Variants in TTC12 observed in about 807,000 individuals in gnomAD.
The protein encoded by TTC12 is tetratricopeptide repeat protein 12.
In TTC12, 70 loss-of-function variants were observed where a neutral mutation model predicts 90.1. The ratio of observed to expected loss-of-function variants is 0.78; its 90% CI spans 0.64 to 0.95. The LOEUF is 0.95. TTC12 is among the 40% of genes least tolerant of loss of function. The pLI, the probability that TTC12 is intolerant of heterozygous loss-of-function variation, is 0.00. For synonymous variants in TTC12, 296 were observed against 311.5 expected (o/e 0.95, Z 0.53); for missense variants, 819 against 846.1 (o/e 0.97, Z 0.40).
At chr11:113,346,751 GA>G (rs58619294) in intron 13 of TTC12, among the ~76,000 whole-genome samples, 2,074 of 57,512 alleles carry the variant, frequency 0.036, 20 homozygotes, top group South Asian at 0.073. Flanking sequence ...ATCTGCTACA[GA>G]AAAAAAAAAA....
At position 113,325,643 on chromosome 11, in the gene TTC12, C is replaced by G; in HGVS notation, c.442C>G (p.Gln148Glu). The change falls in exon 6 of 22, where the codon CAG becomes GAG. Residue 148 changes from glutamine to glutamate, a missense_variant and splice_region_variant. Gln to Glu is a conservative substitution (Grantham distance 29). Transcript: ENST00000529221. Reference protein sequence around the residue: ...DMKVLYTNRAQAYMKLEDYEK... With the variant: ...DMKVLYTNRAEAYMKLEDYEK... ...GAAAGTGCTGTACACCAACCGAGCC[C>G]AGGTCAGTGAGGCAGGGATGTATCC... 1 of 1,613,828 alleles carries G rather than the reference C, an allele frequency of 6.2e-7. No homozygotes were observed.
intron 2 of TTC12, among the ~76,000 whole-genome samples, chr11:113,323,084 C>T (rs1947442310): frequency 6.8e-6 from 1 of 148,114 alleles, no homozygotes; most frequent in South Asian, 2.2e-4. Context: ...GCTATACTCA[C>T]CTGCAACTTT....
intron 14 of TTC12, among the ~76,000 whole-genome samples, chr11:113,350,916 G>GCA (rs1252150879): frequency 6.6e-6 from 1 of 152,158 alleles, no homozygotes; most frequent in Non-Finnish European, 1.5e-5. Context: ...CTTCCGCACC[G>GCA]CACACACACG....
intron 6 of TTC12, among the ~76,000 whole-genome samples, chr11:113,327,140 A>G (rs1947743527): frequency 6.6e-6 from 1 of 152,248 alleles, no homozygotes; most frequent in Non-Finnish European, 1.5e-5. Context: ...CAGACTGTCT[A>G]TACTCTGATT....
chr11:113,328,306 AT>A (rs775195389), intron 6 of TTC12, among the ~76,000 whole-genome samples: 178 of 152,348 alleles, frequency 1.2e-3, no homozygotes, highest in Non-Finnish European at 2.0e-3. Flanking sequence ...GTGTCCAGTA[AT>A]TAATAGAGAG....
Position 113,344,233 on chromosome 11 carries a change from G to A in TTC12, c.986-39G>A, listed in dbSNP as rs782805900. 4 of 1,578,072 alleles carry A rather than the reference G, an allele frequency of 2.5e-6. No individual in the cohort carries two copies. In the Admixed American group the frequency reaches 5.3e-5, roughly 21 times the overall value. On this transcript the variant is annotated intron_variant, in intron 12 of 21. Transcript: ENST00000529221. Reference sequence around the variant, plus strand: ...GTGACAGAGCTAGTTTAATTGCCATGATGGCATGCACAAGACACACAACCT... The same window carrying A: ...GTGACAGAGCTAGTTTAATTGCCATAATGGCATGCACAAGACACACAACCT...
chr11:113,319,802 C>T (rs73572797), intron 2 of TTC12, among the ~76,000 whole-genome samples: 3,370 of 152,184 alleles, frequency 0.022, 108 homozygotes, highest in African/African-American at 0.076. Context: ...AATGAAGAGC[C>T]TGGAGAAGAT....
intron 7 of TTC12, among the ~76,000 whole-genome samples, chr11:113,333,042 C>T (rs537011660): frequency 1.1e-4 from 16 of 152,298 alleles, no homozygotes; most frequent in African/African-American, 3.6e-4. Context: ...TCTCCTTACT[C>T]ATCTCTCATT....
At chr11:113,331,145 C>T (rs1269718545) in intron 7 of TTC12, among the ~76,000 whole-genome samples, 1 of 152,086 alleles carries the variant, frequency 6.6e-6, no homozygotes, top group Non-Finnish European at 1.5e-5. Context: ...TTTCTTTATC[C>T]CTTAGAAGAT....
intron 19 of TTC12, 68 bp from the exon 20 acceptor site, chr11:113,363,760 G>C: frequency 9.4e-7 from 1 of 1,069,506 alleles, no homozygotes; most frequent in Admixed American, 1.9e-5. Flanking sequence ...ATAACTGCTT[G>C]CTGTGGTTTG....
chr11:113,334,924 A>G, intron 7 of TTC12, 42 bp from the exon 8 acceptor site: 1 of 1,524,742 alleles, frequency 6.6e-7, no homozygotes, highest in Non-Finnish European at 9.1e-7. Context: ...TAATGACTTC[A>G]CATCTTCTAA....
At chr11:113,344,471 A>T (rs1249962398) in intron 13 of TTC12, 31 bp downstream of exon 13, 15 of 1,597,816 alleles carry the variant, frequency 9.4e-6, no homozygotes, top group Non-Finnish European at 1.3e-5. Context: ...TCTTCCTGGG[A>T]CATCTCATGT....
chr11:113,371,795 G>A (rs985316244), intron 21 of TTC12, among the ~76,000 whole-genome samples: 6 of 152,178 alleles, frequency 3.9e-5, no homozygotes, highest in Admixed American at 1.3e-4. Context: ...TTAGTGAGTG[G>A]CTTAGCCCCT....
At chr11:113,315,658 GT>G (rs1565562276) in intron 1 of TTC12, among the ~76,000 whole-genome samples, 1 of 152,164 alleles carries the variant, frequency 6.6e-6, no homozygotes, top group African/African-American at 2.4e-5. Context: ...AAAAACAACT[GT>G]AAAATAATAT....
Position 113,340,678 on chromosome 11 carries a change from T to G in TTC12, c.841T>G (p.Leu281Val). The change falls in exon 11 of 22, where the codon TTA becomes GTA. Residue 281 changes from leucine (L) to valine (V), a missense_variant. By Grantham distance (32) the Leu-to-Val change is conservative (BLOSUM62 1). Coordinates refer to ENST00000529221, the MANE Select transcript of TTC12 (RefSeq NM_017868.4). ...ATCTGTTTCAGGCACAGAACAAACT[T>G]TATTCAGAATGCACAATGGATTTAG... ...EMINECTEQT[L>V]FRMHNGFSII... The G allele has an allele frequency of 6.2e-7, 1 of 1,614,054 alleles. No individual in the cohort carries two copies. Among genetic ancestry groups the G allele is most frequent in the Non-Finnish European group, 8.5e-7 (1 of 1,179,934 alleles).
chr11:113,371,806 C>T (rs1339596149), intron 21 of TTC12, among the ~76,000 whole-genome samples: 2 of 152,132 alleles, frequency 1.3e-5, no homozygotes, highest in Admixed American at 6.5e-5. Flanking sequence ...CTTAGCCCCT[C>T]GATTGCCTTG....
chr11:113,320,440 G>A (rs1189875877), intron 2 of TTC12, among the ~76,000 whole-genome samples: 1 of 152,112 alleles, frequency 6.6e-6, no homozygotes, highest in Non-Finnish European at 1.5e-5. Flanking sequence ...GAGTTTGGCT[G>A]GGAGCAGCCA....
At chr11:113,329,872 G>C (rs782458735) in intron 6 of TTC12, 48 bp from the exon 7 acceptor site, 2 of 1,504,142 alleles carry the variant, frequency 1.3e-6, no homozygotes, top group Admixed American at 3.3e-5. Context: ...ACTGAAAACT[G>C]CCTGATGCAG....
At chr11:113,361,953 T>TA (rs1949955582) in intron 18 of TTC12, among the ~76,000 whole-genome samples, 4 of 124,776 alleles carry the variant, frequency 3.2e-5, no homozygotes, top group Non-Finnish European at 7.4e-5. Context: ...TGGCATTTAT[T>TA]TAAAAAAAAA....
Sources: allele counts gnomAD v4.1 joint callset (sites outside exome capture counted in the v4.1 genomes callset), GRCh38; gene constraint gnomAD v4.1.1; transcripts MANE v1.5; gene names NCBI Gene and HGNC (gene_info 2026-07-23, HGNC 2026-07-21).